TRAPPC9: variants seen among roughly 807,000 people sequenced by gnomAD.
TRAPPC9 encodes trafficking protein particle complex subunit 9.
Under a neutral mutation model 124.0 loss-of-function variants are expected in TRAPPC9, and 83 were observed. The ratio of observed to expected loss-of-function variants is 0.67; its 90% CI spans 0.56 to 0.80. The LOEUF (loss-of-function observed/expected upper bound fraction) is 0.80, where lower values mean the gene tolerates loss of function less well. TRAPPC9 is among the 30% of genes least tolerant of loss of function. The pLI, the probability that TRAPPC9 is intolerant of heterozygous loss-of-function variation, is 0.00. For missense variants in TRAPPC9, 1,302 were observed against 1,508.3 expected, an observed-to-expected ratio of 0.86 and a Z score of 2.27; for synonymous variants, 638 against 617.5, an observed-to-expected ratio of 1.03 and a Z score of -0.49.
intron 16 of TRAPPC9, among the ~76,000 whole-genome samples, chr8:140,242,496 C>T (rs1334993587): frequency 6.6e-6 from 1 of 152,108 alleles, no homozygotes; most frequent in Non-Finnish European, 1.5e-5. Flanking sequence ...GCTTTTGCCA[C>T]CAAAGGAAAC....
intron 19 of TRAPPC9, among the ~76,000 whole-genome samples, chr8:139,976,693 A>G (rs1298764640): frequency 6.6e-6 from 1 of 152,252 alleles, no homozygotes; most frequent in African/African-American, 2.4e-5. Context: ...TGAAAACCAC[A>G]GGGAGAAGCC....
chr8:140,396,411 G>A (rs552451035), intron 7 of TRAPPC9, among the ~76,000 whole-genome samples: 10 of 152,172 alleles, frequency 6.6e-5, no homozygotes, highest in African/African-American at 1.9e-4. Flanking sequence ...AAAGTGCTGG[G>A]ATTACAGGCG....
intron 2 of TRAPPC9, among the ~76,000 whole-genome samples, chr8:140,445,297 T>C (rs993200991): frequency 6.6e-6 from 1 of 152,208 alleles, no homozygotes; most frequent in African/African-American, 2.4e-5. Context: ...GCACAGCACA[T>C]GGCAAGCTTC....
intron 11 of TRAPPC9, 95 bp downstream of exon 11, chr8:140,300,374 C>A: frequency 6.5e-7 from 1 of 1,533,212 alleles, no homozygotes; most frequent in East Asian, 2.3e-5. Flanking sequence ...CATGCACATG[C>A]ATGAACTGGC....
intron 13 of TRAPPC9, 70 bp from the exon 14 acceptor site, chr8:140,284,091 T>C: frequency 1.9e-6 from 3 of 1,602,616 alleles, no homozygotes; most frequent in Non-Finnish European, 2.6e-6. Context: ...GCTGAAGCAG[T>C]GCGAAGAGTA....
At chr8:140,145,420 A>G (rs957938400) in intron 17 of TRAPPC9, among the ~76,000 whole-genome samples, 15 of 152,006 alleles carry the variant, frequency 9.9e-5, no homozygotes, top group African/African-American at 2.9e-4. Flanking sequence ...TTTCCTAGAG[A>G]TTTTTGACAG....
In TRAPPC9 at chr8:140,294,769, G is replaced by C. The variant is rs190355623; in HGVS notation, c.1769-3691C>G. 7.4e-3 allele frequency among the ~76,000 whole-genome samples: 1,128 copies of C among 151,702 alleles called. 19 individuals carry two copies. The highest frequency in any genetic ancestry group is 0.057 in the East Asian group (292 of 5,154). On this transcript the variant is annotated intron_variant, in intron 11 of 22. Transcript: ENST00000438773. ...ACTACAGGTGTGCGCCACCATGCCCGGCTAAATTTGTTTGTATTTTTAGTA... is the reference window on the plus strand; with the variant it reads ...ACTACAGGTGTGCGCCACCATGCCCCGCTAAATTTGTTTGTATTTTTAGTA...
chr8:140,291,738 G>T (rs2065667146), intron 11 of TRAPPC9, among the ~76,000 whole-genome samples: 1 of 152,260 alleles, frequency 6.6e-6, no homozygotes, highest in Admixed American at 6.5e-5. Flanking sequence ...AGGTTGTCCT[G>T]AATGGGCTTG....
chr8:140,250,335 G>GC (rs1563882224), intron 16 of TRAPPC9, among the ~76,000 whole-genome samples: 1 of 152,180 alleles, frequency 6.6e-6, no homozygotes, highest in Non-Finnish European at 1.5e-5. Context: ...ATCCCGGTTT[G>GC]TGCAACAGCT....
chr8:140,064,916 A>G (rs971090161), intron 17 of TRAPPC9, among the ~76,000 whole-genome samples: 10 of 152,232 alleles, frequency 6.6e-5, no homozygotes, highest in African/African-American at 2.4e-4. Flanking sequence ...ATGTTTGTCC[A>G]TGGGAACTAC....
At chr8:140,341,070 A>G (rs1323968565) in intron 9 of TRAPPC9, among the ~76,000 whole-genome samples, 3 of 152,218 alleles carry the variant, frequency 2.0e-5, no homozygotes, top group Non-Finnish European at 4.4e-5. Context: ...GAGGAAAAAA[A>G]GGCAACTGGG....
chr8:140,155,962 G>A lies in TRAPPC9; in HGVS notation c.2556+65497C>T, dbSNP rs1280659288. Among the ~76,000 whole-genome samples the A allele has an allele frequency of 3.9e-5, 6 of 152,310 alleles. No individual in the cohort carries two copies. In the South Asian group the frequency reaches 1.0e-3, roughly 26 times the overall value. On this transcript the variant is annotated intron_variant, in intron 17 of 22. Transcript: ENST00000438773. Reference sequence around the variant, plus strand: ...CAATACACTTGCTTATGGCCCACAAGGAACACATGGAGGGGAAGGGAGTGG... The same window carrying A: ...CAATACACTTGCTTATGGCCCACAAAGAACACATGGAGGGGAAGGGAGTGG...
chr8:140,448,750 G>A (rs575069067), intron 2 of TRAPPC9, among the ~76,000 whole-genome samples: 122 of 152,348 alleles, frequency 8.0e-4, no homozygotes, highest in African/African-American at 2.8e-3. Context: ...AGTGCCTGCT[G>A]GCTGGACAGC....
chr8:140,318,341 T>A (rs2066494936), intron 9 of TRAPPC9, among the ~76,000 whole-genome samples: 5 of 152,244 alleles, frequency 3.3e-5, no homozygotes, highest in Admixed American at 3.3e-4. Context: ...AGCTAACATG[T>A]CCATCACCTG....
At chr8:139,954,940 C>A (rs985432792) in intron 19 of TRAPPC9, among the ~76,000 whole-genome samples, 8 of 152,214 alleles carry the variant, frequency 5.3e-5, no homozygotes, top group African/African-American at 1.9e-4. Context: ...AACATCTCAT[C>A]AAGTTAATCT....
intron 9 of TRAPPC9, among the ~76,000 whole-genome samples, chr8:140,312,882 T>C (rs964797475): frequency 6.6e-6 from 1 of 151,874 alleles, no homozygotes; most frequent in African/African-American, 2.4e-5. Flanking sequence ...ATCTCAGCCT[T>C]CTAAGCAGCT....
chr8:139,928,126 CT>C (rs1179710851), intron 19 of TRAPPC9, among the ~76,000 whole-genome samples: 1 of 152,208 alleles, frequency 6.6e-6, no homozygotes, highest in African/African-American at 2.4e-5. Context: ...AAGACAAGCC[CT>C]GTGAAATATC....
chr8:139,861,846 C>A (rs1373786350), intron 21 of TRAPPC9, among the ~76,000 whole-genome samples: 1 of 152,110 alleles, frequency 6.6e-6, no homozygotes, highest in East Asian at 1.9e-4. Context: ...CCATCCCCCA[C>A]AAAAGCAGGG....
intron 15 of TRAPPC9, among the ~76,000 whole-genome samples, chr8:140,256,185 C>G (rs1351168782): frequency 3.3e-5 from 5 of 152,204 alleles, no homozygotes; most frequent in Non-Finnish European, 5.9e-5. Context: ...CGCTTCAACA[C>G]ACAACATTTG....
Sources: allele counts gnomAD v4.1 joint callset (sites outside exome capture counted in the v4.1 genomes callset), GRCh38; gene constraint gnomAD v4.1.1; transcripts MANE v1.5; gene names NCBI Gene and HGNC (gene_info 2026-07-23, HGNC 2026-07-21).